The following ZFP14 variants were observed in gnomAD, a reference collection of about 807,000 sequenced individuals.
The protein encoded by ZFP14 is ZFP14 zinc finger protein.
ZFP14 carries 22 observed loss-of-function variants against 54.5 expected under a neutral mutation model. The ratio of observed to expected loss-of-function variants is 0.40; its 90% confidence interval spans 0.29 to 0.58. ZFP14 has a LOEUF of 0.58. Ranked by LOEUF, ZFP14 falls within the 20% of genes least tolerant of loss-of-function variation. The pLI is 0.39. For synonymous variants in ZFP14, 159 were observed against 204.0 expected, an observed-to-expected ratio of 0.78 and a Z score of 1.88; for missense variants, 470 against 637.8, an observed-to-expected ratio of 0.74 and a Z score of 2.83.
At chr19:36,372,097 GAGGA>G (rs780406619) in intron 1 of ZFP14, among the ~76,000 whole-genome samples, 29 of 150,160 alleles carry the variant, frequency 1.9e-4, no homozygotes, top group Admixed American at 6.7e-4. Flanking sequence ...GGGAGGAAAG[GAGGA>G]AGGAAGGAAG....
At chr19:36,369,302 T>C (rs1351130718) in intron 1 of ZFP14, among the ~76,000 whole-genome samples, 1 of 152,226 alleles carries the variant, frequency 6.6e-6, no homozygotes, top group African/African-American at 2.4e-5. Flanking sequence ...TTTTAATAGC[T>C]CAGGAAACTA....
intron 4 of ZFP14, among the ~76,000 whole-genome samples, chr19:36,346,906 T>G (rs2031426762): frequency 6.6e-6 from 1 of 152,216 alleles, no homozygotes; most frequent in Admixed American, 6.5e-5. Context: ...TTCGCTTGCT[T>G]GTTCAGGATA....
At chr19:36,346,219 G>C (rs752047837) in intron 4 of ZFP14, among the ~76,000 whole-genome samples, 33 of 152,008 alleles carry the variant, frequency 2.2e-4, no homozygotes, top group Non-Finnish European at 4.7e-4. Flanking sequence ...CCGGGAGGCG[G>C]GCATTGCAAT....
chr19:36,374,045 A>G (rs2031921285), intron 1 of ZFP14, among the ~76,000 whole-genome samples: 1 of 152,250 alleles, frequency 6.6e-6, no homozygotes, highest in Non-Finnish European at 1.5e-5. Flanking sequence ...GACCTAAAAG[A>G]CTGATGATGC....
chr19:36,352,414 C>T, intron 4 of ZFP14, among the ~76,000 whole-genome samples: 1 of 143,012 alleles, frequency 7.0e-6, no homozygotes, highest in Middle Eastern at 3.4e-3. Context: ...ACATATTAAG[C>T]AAACAGAAAA....
At chr19:36,373,343 T>C (rs1356127340) in intron 1 of ZFP14, among the ~76,000 whole-genome samples, 1 of 145,842 alleles carries the variant, frequency 6.9e-6, no homozygotes, top group African/African-American at 2.5e-5. Flanking sequence ...CTCATAGAAG[T>C]AGAGAGTAGA....
rs529952897 is a variant in ZFP14 at position 36,350,618 on chromosome 19, A to C, written c.236-9028T>G. Among the ~76,000 whole-genome samples, 19 of 140,926 alleles carry C rather than the reference A, an allele frequency of 1.3e-4. 2 individuals carry two copies. In the South Asian group the frequency reaches 1.8e-3, roughly 13 times the overall value. The allele number at this position is 140,926 out of a possible 152,430, so 92.5% of individuals were successfully genotyped here. A position where few individuals can be genotyped will look rare whatever the true frequency, so the allele number is the denominator to read the frequency against. The stretch of plus-strand genomic sequence containing the variant: ...CCTGTCTTTAAAAAACCAAAAAAAA[A>C]CAAAAAACAGCTTCCTAAATACTTC... On this transcript the variant is annotated intron_variant, in intron 4 of 4. Coordinates refer to ENST00000270001, the MANE Select transcript of ZFP14 (RefSeq NM_020917.3).
intron 1 of ZFP14, among the ~76,000 whole-genome samples, chr19:36,371,923 A>G (rs2031882574): frequency 6.9e-6 from 1 of 145,638 alleles, no homozygotes; most frequent in Admixed American, 7.2e-5. Flanking sequence ...ATGCCACTAC[A>G]CTCCAGCCTG....
In ZFP14 at chr19:36,362,252, C is replaced by A; in HGVS notation, c.10-14G>T. ...TGTCACTGAACCCTGAAAAAACAAA[C>A]TCAGGTATTACTTGTGAAAATAAAT... On this transcript the variant is annotated splice_polypyrimidine_tract_variant and intron_variant, in intron 2 of 4. Coordinates refer to ENST00000270001, the MANE Select transcript of ZFP14 (RefSeq NM_020917.3). 6.3e-7 allele frequency: 1 copy of A among 1,580,402 alleles called. No individual in the cohort carries two copies. Among genetic ancestry groups the A allele is most frequent in the Non-Finnish European group, 8.5e-7 (1 of 1,170,212 alleles).
Position 36,340,572 on chromosome 19 carries a change from A to G in ZFP14, c.1254T>C (p.His418=), listed in dbSNP as rs1347798633. 3.7e-6 allele frequency: 6 copies of G among 1,613,982 alleles called. No individual in the cohort carries two copies. The highest frequency in any genetic ancestry group is 1.7e-5 in the Admixed American group (1 of 60,006). Residue 418 remains histidine, a synonymous_variant, in exon 5 of 5, where the codon CAT becomes CAC. Transcript: ENST00000270001. The surrounding 1 kb of genome is among the most constrained non-coding windows in gnomAD (Gnocchi z 5.4). The part of the protein sequence containing the change: ...YSQLISHQSI[H]IGERPYECEE... The stretch of plus-strand genomic sequence containing the variant: ...CACATTCATAGGGTCTCTCACCAAT[A>G]TGAATGCTCTGGTGTGAAATAAGCT...
rs2031504655 is a variant in ZFP14 at position 36,350,384 on chromosome 19, T to C, written c.236-8794A>G. Among the ~76,000 whole-genome samples the C allele has an allele frequency of 1.4e-5, 2 of 140,938 alleles. 1 individual carries two copies. Among genetic ancestry groups the C allele is most frequent in the Admixed American group, 1.5e-4 (2 of 13,552 alleles). 92.5% of individuals were successfully genotyped at this position (140,938 alleles called of 152,430 possible). A position where few individuals can be genotyped will look rare whatever the true frequency, so the allele number is the denominator to read the frequency against. ...GGGAAGCCAAGGAGGGAAAACTACT[T>C]GAGGCTAGGAGTTCAAGACCATCCT... On this transcript the variant is annotated intron_variant, in intron 4 of 4. Transcript: ENST00000270001.
chr19:36,376,631 T>TA (rs2145567036), intron 1 of ZFP14, among the ~76,000 whole-genome samples: 1 of 151,984 alleles, frequency 6.6e-6, no homozygotes, highest in East Asian at 1.9e-4. Context: ...AAAAGGAGGG[T>TA]ACAAAGATAA....
At position 36,341,241 on chromosome 19, in the gene ZFP14, A is replaced by G. The variant is rs2031307652; in HGVS notation, c.585T>C (p.Thr195=). ...STLSQHLRIH[T]GEKPYKCKEC... ...CCTTACACTTATAAGGTTTCTCACC[A>G]GTATGAATTCTCAGGTGTTGACTAA... The change falls in exon 5 of 5, where the codon ACT becomes ACC. Residue 195 remains threonine (T), a synonymous_variant. Transcript: ENST00000270001. This position sits in a 1 kb window ranked among gnomAD's most constrained non-coding sequence, Gnocchi z 4.2. The G allele has an allele frequency of 6.2e-7, 1 of 1,614,208 alleles. No homozygotes were observed.
At chr19:36,342,909 A>G (rs11882601) in intron 4 of ZFP14, among the ~76,000 whole-genome samples, 57,236 of 152,114 alleles carry the variant, frequency 0.38, 10,745 homozygotes, top group Admixed American at 0.42. Context: ...AATTACTCAT[A>G]AGCCAATCAT....
chr19:36,373,747 CA>C (rs1212725140), intron 1 of ZFP14, among the ~76,000 whole-genome samples: 1 of 150,772 alleles, frequency 6.6e-6, no homozygotes, highest in East Asian at 1.9e-4. Flanking sequence ...CTTGTCTCTA[CA>C]AAAAAATTTT....
Position 36,337,504 on chromosome 19 carries a change from CTAAAGA to C in ZFP14, c.*2714_*2719del, listed in dbSNP as rs1342678656. The stretch of plus-strand genomic sequence containing the variant: ...TTACATTGTGATAGGTATAAGTGAT[CTAAAGA>C]TAATTTAAAGTATACAGGAAGATGT... On this transcript the variant is annotated 3_prime_UTR_variant, in exon 5 of 5. Transcript: ENST00000270001. 1 of 152,112 alleles carries C rather than the reference CTAAAGA, an allele frequency of 6.6e-6. No individual in the cohort carries two copies. Among genetic ancestry groups the C allele is most frequent in the African/African-American group, 2.4e-5 (1 of 41,410 alleles). 9.4% of individuals were successfully genotyped at this position (152,112 alleles called of 1,614,324 possible). A position where few individuals can be genotyped will look rare whatever the true frequency, so the allele number is the denominator to read the frequency against.
At chr19:36,343,991 T>C (rs2031369158) in intron 4 of ZFP14, among the ~76,000 whole-genome samples, 1 of 151,784 alleles carries the variant, frequency 6.6e-6, no homozygotes, top group African/African-American at 2.4e-5. Context: ...CCACACTCTC[T>C]TAGCACACTC....
At chr19:36,364,735 T>C (rs1375422591) in intron 2 of ZFP14, among the ~76,000 whole-genome samples, 2 of 152,110 alleles carry the variant, frequency 1.3e-5, no homozygotes, top group East Asian at 3.9e-4. Flanking sequence ...CTATCCTATA[T>C]ACTTGAAAAA....
intron 1 of ZFP14, among the ~76,000 whole-genome samples, chr19:36,376,854 GATTAAATAA>G (rs1157650411): frequency 6.6e-6 from 1 of 152,160 alleles, no homozygotes; most frequent in African/African-American, 2.4e-5. Context: ...GGCACAAAGA[GATTAAATAA>G]ATTGCCCCAA....
Sources: gnomAD v4.1 joint callset for allele counts (sites outside exome capture counted in the v4.1 genomes callset) on GRCh38, gnomAD v4.1.1 for gene constraint, Gnocchi (gnomAD v3.1) non-coding constraint, MANE v1.5 for transcripts, NCBI Gene and HGNC (gene_info 2026-07-23, HGNC 2026-07-21) for gene names.